Variants in WDFY3 observed in about 807,000 individuals in gnomAD.
The protein encoded by WDFY3 is WD repeat and FYVE domain containing 3.
Under a neutral mutation model 409.6 loss-of-function variants are expected in WDFY3, and 66 were observed. The observed-to-expected ratio is 0.16, with a 90% CI of 0.13 to 0.20. The LOEUF (loss-of-function observed/expected upper bound fraction) is 0.20, where lower values mean the gene tolerates loss of function less well. Among genes scored for constraint, WDFY3 ranks in the 10% least tolerant of loss-of-function variants. The pLI, the probability that WDFY3 is intolerant of heterozygous loss-of-function variation, is 1.00. For missense variants in WDFY3, 3,031 were observed against 4,298.1 expected, an observed-to-expected ratio of 0.71 and a Z score of 8.24; for synonymous variants, 1,521 against 1,537.1, an observed-to-expected ratio of 0.99 and a Z score of 0.25.
chr4:84,687,006 G>C (rs998044668), intron 62 of WDFY3, among the ~76,000 whole-genome samples: 1 of 152,100 alleles, frequency 6.6e-6, no homozygotes, highest in South Asian at 2.1e-4. Context: ...TCTGAAAACA[G>C]CATCTTTTGA....
At chr4:84,884,924 G>A (rs1358367674) in intron 3 of WDFY3, among the ~76,000 whole-genome samples, 3 of 152,120 alleles carry the variant, frequency 2.0e-5, no homozygotes, top group East Asian at 3.9e-4. Context: ...ACATACGGAG[G>A]TGCGTTCAAA....
At chr4:84,874,071 G>A (rs574717846) in intron 3 of WDFY3, among the ~76,000 whole-genome samples, 78 of 151,478 alleles carry the variant, frequency 5.1e-4, no homozygotes, top group African/African-American at 1.6e-3. Context: ...GTGAGCCACC[G>A]CCCCAGGCCT....
At chr4:84,766,800 G>A (rs758888437) in intron 30 of WDFY3, among the ~76,000 whole-genome samples, 6 of 152,172 alleles carry the variant, frequency 3.9e-5, no homozygotes, top group Non-Finnish European at 8.8e-5. Context: ...GACTTATTCA[G>A]TAAACGTAAT....
At chr4:84,677,648 CA>C (rs1185930636) in intron 66 of WDFY3, among the ~76,000 whole-genome samples, 2 of 152,032 alleles carry the variant, frequency 1.3e-5, no homozygotes, top group African/African-American at 4.8e-5. Context: ...AGCAGTTTTT[CA>C]CTTTTTAAAA....
chr4:84,861,245 A>T (rs973810667), intron 3 of WDFY3, among the ~76,000 whole-genome samples: 3 of 152,130 alleles, frequency 2.0e-5, no homozygotes, highest in Non-Finnish European at 4.4e-5. Context: ...AGAGAAAGAG[A>T]TCACAAAACT....
At chr4:84,951,469 T>A (rs1773602007) in intron 1 of WDFY3, among the ~76,000 whole-genome samples, 1 of 152,220 alleles carries the variant, frequency 6.6e-6, no homozygotes, top group Non-Finnish European at 1.5e-5. Context: ...TTTGTATTGA[T>A]CCTTTAAATG....
At chr4:84,722,673 T>TG (rs1735034865) in intron 46 of WDFY3, among the ~76,000 whole-genome samples, 1 of 152,208 alleles carries the variant, frequency 6.6e-6, no homozygotes, top group African/African-American at 2.4e-5. Context: ...ACCCAAAGTA[T>TG]GAGAAGTCCT....
At chr4:84,702,151 G>C (rs534953727) in intron 56 of WDFY3, among the ~76,000 whole-genome samples, 2 of 152,256 alleles carry the variant, frequency 1.3e-5, no homozygotes, top group African/African-American at 4.8e-5. Flanking sequence ...GGGATTACAG[G>C]TGCCCACCAC....
chr4:84,695,448 CGT>C (rs150816589), intron 58 of WDFY3, among the ~76,000 whole-genome samples: 1,509 of 135,884 alleles, frequency 0.011, 14 homozygotes, highest in African/African-American at 0.035. Flanking sequence ...ATTTGGGTCC[CGT>C]GTGTGTGTGT....
At chr4:84,678,048 A>G (rs1055620374) in intron 66 of WDFY3, 120 bp downstream of exon 66, 2 of 579,044 alleles carry the variant, frequency 3.5e-6, no homozygotes, top group African/African-American at 3.7e-5. Flanking sequence ...TATCTCTTTG[A>G]GCTACATACG....
chr4:84,690,689 C>T, intron 60 of WDFY3, 25 bp from the exon 61 acceptor site: 1 of 1,594,684 alleles, frequency 6.3e-7, no homozygotes, highest in South Asian at 1.1e-5. Flanking sequence ...GGATGTGAGA[C>T]ACACATGCCG....
At chr4:84,741,652 A>T in intron 38 of WDFY3, 109 bp downstream of exon 38, 1 of 1,247,222 alleles carries the variant, frequency 8.0e-7, no homozygotes, top group Non-Finnish European at 1.1e-6. Flanking sequence ...GCTTTTTCTT[A>T]AATGTTAACA....
chr4:84,819,724 C>T (rs1237173442), intron 12 of WDFY3, among the ~76,000 whole-genome samples: 1 of 151,956 alleles, frequency 6.6e-6, no homozygotes, highest in East Asian at 1.9e-4. Flanking sequence ...AATACTCTAA[C>T]TTGTAGTACT....
intron 30 of WDFY3, among the ~76,000 whole-genome samples, chr4:84,768,210 A>C (rs760581943): frequency 6.6e-6 from 1 of 152,256 alleles, no homozygotes; most frequent in Non-Finnish European, 1.5e-5. Context: ...GCTGATGTAG[A>C]AGCTGCAGTA....
intron 5 of WDFY3, among the ~76,000 whole-genome samples, 155 bp from the exon 6 acceptor site, chr4:84,841,418 T>A (rs1246926034): frequency 2.6e-5 from 4 of 152,240 alleles, no homozygotes; most frequent in Non-Finnish European, 5.9e-5. Context: ...AATGTTTTAA[T>A]GGTATTCATA....
chr4:84,674,188 T>C (rs1356526768), intron 67 of WDFY3, among the ~76,000 whole-genome samples: 1 of 152,202 alleles, frequency 6.6e-6, no homozygotes, highest in African/African-American at 2.4e-5. Flanking sequence ...ATTTAAAGAA[T>C]TACCTATATT....
rs550685819 is a variant in WDFY3 at position 84,741,136 on chromosome 4, G to C, written c.6234+625C>G. On this transcript the variant is annotated intron_variant, in intron 38 of 67. Coordinates refer to ENST00000295888, the MANE Select transcript of WDFY3 (RefSeq NM_014991.6). ...TCTTTTAATATCAACTCTTCATGCT[G>C]TGTAAGCCTTTACACATGGATGTAG... 4.6e-5 allele frequency among the ~76,000 whole-genome samples: 7 copies of C among 152,220 alleles called. No homozygotes were observed. The South Asian group carries it at 1.5e-3, about 32-fold the overall frequency.
At chr4:84,962,777 G>A (rs1215863539) in intron 1 of WDFY3, among the ~76,000 whole-genome samples, 16 of 150,878 alleles carry the variant, frequency 1.1e-4, no homozygotes, top group Admixed American at 8.6e-4. Context: ...CAGTTCAAGC[G>A]ATTCTCCTGC....
rs1560879195 is a variant in WDFY3 at position 84,833,693 on chromosome 4, G to GAA, written c.577-2090_577-2089dup. 1.7e-3 allele frequency among the ~76,000 whole-genome samples: 203 copies of GAA among 122,080 alleles called. 1 individual carries two copies. Among genetic ancestry groups the GAA allele is most frequent in the African/African-American group, 6.4e-3 (185 of 29,018 alleles). The allele number at this position is 122,080 out of a possible 152,430, so 80.1% of individuals were successfully genotyped here. ...AAAGAAAAGAAAAGAAAAGAAAAGAGAAGAGAAGAGAAGAGAACAGAACAG... is the reference window on the plus strand; with the variant it reads ...AAAGAAAAGAAAAGAAAAGAAAAGAGAAAAGAGAAGAGAAGAGAACAGAACAG... On this transcript the variant is annotated intron_variant, in intron 7 of 67. Coordinates refer to ENST00000295888, the MANE Select transcript of WDFY3 (RefSeq NM_014991.6).
Sources: gnomAD v4.1 joint callset for allele counts (sites outside exome capture counted in the v4.1 genomes callset) on GRCh38, gnomAD v4.1.1 for gene constraint, MANE v1.5 for transcripts, NCBI Gene and HGNC (gene_info 2026-07-23, HGNC 2026-07-21) for gene names.